ADCY9: variants seen among roughly 807,000 people sequenced by gnomAD.
ADCY9 encodes the protein adenylate cyclase type 9.
In ADCY9, 50 loss-of-function variants were observed where a neutral mutation model predicts 101.5. That is an observed-to-expected ratio of 0.49 (90% confidence interval 0.39 to 0.62). The LOEUF is 0.62. Ranked by LOEUF, ADCY9 falls within the 20% of genes least tolerant of loss-of-function variation. The probability of loss-of-function intolerance (pLI) is 0.00; values close to 1 mark genes in which losing one functional copy is unlikely to be tolerated. For synonymous variants in ADCY9, 905 were observed against 769.3 expected, an observed-to-expected ratio of 1.18 and a Z score of -2.92; for missense variants, 1,662 against 1,800.4, an observed-to-expected ratio of 0.92 and a Z score of 1.39.
At chr16:4,059,431 C>A (rs6500572) in intron 2 of ADCY9, among the ~76,000 whole-genome samples, 4 of 138,882 alleles carry the variant, frequency 2.9e-5, no homozygotes, top group Non-Finnish European at 4.8e-5. Context: ...GAAGAAAAAA[C>A]CAAAAAGATG....
At chr16:4,002,924 C>T (rs1382637823) in intron 3 of ADCY9, among the ~76,000 whole-genome samples, 1 of 152,206 alleles carries the variant, frequency 6.6e-6, no homozygotes, top group Non-Finnish European at 1.5e-5. Flanking sequence ...CCATGTTGGC[C>T]AGGCTGGCCT....
At chr16:4,028,043 G>A (rs1343601628) in intron 2 of ADCY9, among the ~76,000 whole-genome samples, 1 of 151,956 alleles carries the variant, frequency 6.6e-6, no homozygotes, top group Non-Finnish European at 1.5e-5. Flanking sequence ...AGATTTGGGT[G>A]GGGACACAGC....
intron 2 of ADCY9, among the ~76,000 whole-genome samples, chr16:4,103,017 C>A (rs1163653466): frequency 6.6e-6 from 1 of 152,254 alleles, no homozygotes; most frequent in Non-Finnish European, 1.5e-5. Context: ...CCATGGCCAG[C>A]TCGAAGTTGA....
chr16:4,066,330 C>A (rs1308467534), intron 2 of ADCY9, among the ~76,000 whole-genome samples: 1 of 152,186 alleles, frequency 6.6e-6, no homozygotes, highest in African/African-American at 2.4e-5. Flanking sequence ...TTTTCCCACT[C>A]CTTGAGTATA....
intron 2 of ADCY9, among the ~76,000 whole-genome samples, chr16:4,050,382 CAT>C (rs1036272237): frequency 2.0e-5 from 3 of 152,128 alleles, no homozygotes; most frequent in Non-Finnish European, 4.4e-5. Context: ...TATGTACAAA[CAT>C]ATGTGTACGT....
At chr16:3,995,997 G>A (rs1050976791) in intron 3 of ADCY9, among the ~76,000 whole-genome samples, 1 of 152,056 alleles carries the variant, frequency 6.6e-6, no homozygotes, top group Non-Finnish European at 1.5e-5. Context: ...GAGGTAAAAT[G>A]TTCTAGTTAT....
intron 2 of ADCY9, among the ~76,000 whole-genome samples, chr16:4,056,524 G>T (rs1179137666): frequency 1.3e-5 from 2 of 152,224 alleles, no homozygotes; most frequent in African/African-American, 4.8e-5. Context: ...AGAGTGCTGG[G>T]ATTACAGCCG....
At chr16:4,078,837 A>G (rs1211264657) in intron 2 of ADCY9, among the ~76,000 whole-genome samples, 2 of 152,208 alleles carry the variant, frequency 1.3e-5, no homozygotes, top group African/African-American at 4.8e-5. Flanking sequence ...AACTTTCACA[A>G]ATCAGTAAGG....
chr16:3,995,175 C>G (rs1436290412), intron 3 of ADCY9, among the ~76,000 whole-genome samples: 1 of 152,056 alleles, frequency 6.6e-6, no homozygotes, highest in Non-Finnish European at 1.5e-5. Flanking sequence ...CGGCTGTAAT[C>G]CCAGCACTTT....
intron 2 of ADCY9, among the ~76,000 whole-genome samples, chr16:4,099,086 C>T (rs960447328): frequency 5.3e-5 from 8 of 151,996 alleles, no homozygotes; most frequent in African/African-American, 1.5e-4. Context: ...GTGTGCGCCA[C>T]GACACCCGGC....
intron 2 of ADCY9, among the ~76,000 whole-genome samples, chr16:4,103,137 T>C (rs1216134516): frequency 6.6e-6 from 1 of 152,258 alleles, no homozygotes; most frequent in East Asian, 1.9e-4. Context: ...GGTCACTTGC[T>C]ATTTCCACAG....
rs1490743317 is a variant in ADCY9 at position 4,014,939 on chromosome 16, C to T, written c.1694-7381G>A. On this transcript the variant is annotated intron_variant, in intron 2 of 10. Coordinates refer to ENST00000294016, the MANE Select transcript of ADCY9 (RefSeq NM_001116.4). ...AGTGACCACATTCCCCTGTTTTGGC[C>T]TTTTTTTTTTTTTTTTTTTTGAGAC... is the stretch of plus-strand genomic sequence containing the variant. Among the ~76,000 whole-genome samples the T allele has an allele frequency of 5.4e-5, 5 of 93,240 alleles. No individual in the cohort carries two copies. In the South Asian group the frequency reaches 1.2e-3, roughly 23 times the overall value. 61.2% of individuals were successfully genotyped at this position (93,240 alleles called of 152,430 possible).
At chr16:4,042,935 A>C (rs1179963846) in intron 2 of ADCY9, among the ~76,000 whole-genome samples, 1 of 152,206 alleles carries the variant, frequency 6.6e-6, no homozygotes, top group African/African-American at 2.4e-5. Context: ...AACAGGACTA[A>C]AAATATTAAA....
At chr16:3,975,944 T>C (rs1051165633) in intron 9 of ADCY9, among the ~76,000 whole-genome samples, 3 of 152,336 alleles carry the variant, frequency 2.0e-5, no homozygotes, top group African/African-American at 7.2e-5. Context: ...AGGCTTAAAA[T>C]ACCCTGAAAC....
chr16:4,061,563 T>C (rs1037614746), intron 2 of ADCY9, among the ~76,000 whole-genome samples: 11 of 152,148 alleles, frequency 7.2e-5, no homozygotes, highest in African/African-American at 2.7e-4. Context: ...TAAAATGACA[T>C]ATTCAAAGCA....
intron 9 of ADCY9, 143 bp from the exon 10 acceptor site, chr16:3,974,853 T>C (rs925877880): frequency 3.1e-6 from 2 of 642,398 alleles, no homozygotes; most frequent in African/African-American, 1.8e-5. Flanking sequence ...CCCACCTCTT[T>C]CTTCACATCT....
chr16:4,002,404 G>C (rs896578393), intron 3 of ADCY9, among the ~76,000 whole-genome samples: 5 of 152,150 alleles, frequency 3.3e-5, no homozygotes, highest in African/African-American at 1.2e-4. Context: ...AAAATTCACT[G>C]TCACAAAAGG....
chr16:3,972,245 T>C (rs564766749), intron 10 of ADCY9, among the ~76,000 whole-genome samples: 64 of 152,008 alleles, frequency 4.2e-4, no homozygotes, highest in African/African-American at 1.4e-3. Context: ...TTTTTTTTTT[T>C]TTGAGATGGA....
chr16:3,961,439 C>G (rs576728917), downstream of ADCY9, among the ~76,000 whole-genome samples: 1 of 151,114 alleles, frequency 6.6e-6, no homozygotes, highest in East Asian at 1.9e-4. Flanking sequence ...CAAAATGAGA[C>G]CCTGTCTCCA....
Sources: allele counts gnomAD v4.1 joint callset (sites outside exome capture counted in the v4.1 genomes callset), GRCh38; gene constraint gnomAD v4.1.1; transcripts MANE v1.5; gene names NCBI Gene and HGNC (gene_info 2026-07-23, HGNC 2026-07-21).